Variants in SETBP1 observed in about 807,000 individuals in gnomAD.
SETBP1 encodes SET binding protein 1.
In SETBP1, 9 loss-of-function variants were observed where a neutral mutation model predicts 101.0. The ratio of observed to expected loss-of-function variants is 0.09; its 90% CI spans 0.05 to 0.16. SETBP1 has a LOEUF of 0.16. Among genes scored for constraint, SETBP1 ranks in the 10% least tolerant of loss-of-function variants. The pLI, the probability that SETBP1 is intolerant of heterozygous loss-of-function variation, is 1.00. For missense variants in SETBP1, 1,858 were observed against 2,033.8 expected, an observed-to-expected ratio of 0.91 and a Z score of 1.66; for synonymous variants, 818 against 788.5, an observed-to-expected ratio of 1.04 and a Z score of -0.63.
intron 3 of SETBP1, among the ~76,000 whole-genome samples, chr18:44,936,071 T>C (rs1166285554): frequency 6.6e-6 from 1 of 152,204 alleles, no homozygotes; most frequent in Non-Finnish European, 1.5e-5. Flanking sequence ...GTAATTCTTC[T>C]CCATCAGGAT....
Position 44,999,696 on chromosome 18 carries a change from A to G in SETBP1, c.4001-38789A>G, listed in dbSNP as rs1003929436. On this transcript the variant is annotated intron_variant, in intron 4 of 5. Coordinates refer to ENST00000649279, the MANE Select transcript of SETBP1 (RefSeq NM_015559.3). ...GATATCATGTTGTCTGCATTGCTAAAGTCAGCTAAACCTGGTGAATCCATT... is the reference window on the plus strand; with the variant it reads ...GATATCATGTTGTCTGCATTGCTAAGGTCAGCTAAACCTGGTGAATCCATT... Among the ~76,000 whole-genome samples, 5 of 152,236 alleles carry G rather than the reference A, an allele frequency of 3.3e-5. No individual in the cohort carries two copies. The East Asian group carries it at 9.6e-4, about 29-fold the overall frequency.
intron 2 of SETBP1, among the ~76,000 whole-genome samples, chr18:44,813,811 T>G (rs2071913912): frequency 6.6e-6 from 1 of 152,186 alleles, no homozygotes; most frequent in Non-Finnish European, 1.5e-5. Flanking sequence ...TTCCTCGGAA[T>G]GCTCACACAC....
chr18:45,008,955 A>G (rs1317228453), intron 4 of SETBP1, among the ~76,000 whole-genome samples: 1 of 152,172 alleles, frequency 6.6e-6, no homozygotes, highest in Non-Finnish European at 1.5e-5. Flanking sequence ...TTGGCTGTGG[A>G]GCAGGACATG....
At chr18:44,690,554 A>G (rs769577982) in intron 1 of SETBP1, among the ~76,000 whole-genome samples, 40 of 152,242 alleles carry the variant, frequency 2.6e-4, no homozygotes, top group Non-Finnish European at 5.3e-4. Flanking sequence ...TCCTCAATTT[A>G]TAAATGGTGT....
At chr18:44,724,295 A>G (rs2069662086) in intron 2 of SETBP1, among the ~76,000 whole-genome samples, 1 of 152,040 alleles carries the variant, frequency 6.6e-6, no homozygotes. Context: ...GTCAAAGAGG[A>G]GCTCTGCATC....
chr18:44,858,785 A>G (rs988618926), intron 2 of SETBP1, among the ~76,000 whole-genome samples: 1 of 152,182 alleles, frequency 6.6e-6, no homozygotes, highest in Non-Finnish European at 1.5e-5. Context: ...AAACAATAGC[A>G]TGTTTCATAC....
Position 45,068,362 on chromosome 18 carries a change from T to C in SETBP1, c.*4664T>C, listed in dbSNP as rs1183953821. The C allele has an allele frequency of 6.6e-6, 1 of 152,174 alleles. No individual in the cohort carries two copies. Among genetic ancestry groups the C allele is most frequent in the Non-Finnish European group, 1.5e-5 (1 of 68,016 alleles). 9.4% of individuals were successfully genotyped at this position (152,174 alleles called of 1,614,324 possible). ...CTCCATGGTCTTAGATGTTGGGTTT[T>C]AAACATTTTTTTCTAAAAGAAAGCT... On this transcript the variant is annotated 3_prime_UTR_variant, in exon 6 of 6. Transcript: ENST00000649279.
intron 2 of SETBP1, among the ~76,000 whole-genome samples, chr18:44,850,044 C>T (rs1568179593): frequency 6.6e-6 from 1 of 152,080 alleles, no homozygotes; most frequent in Non-Finnish European, 1.5e-5. Flanking sequence ...CTGAATCTTC[C>T]CCCTTGGCTC....
chr18:44,847,452 A>G (rs1345537779), intron 2 of SETBP1, among the ~76,000 whole-genome samples: 1 of 152,256 alleles, frequency 6.6e-6, no homozygotes, highest in Non-Finnish European at 1.5e-5. Flanking sequence ...AACCCTCAGA[A>G]GAACATGGGG....
intron 2 of SETBP1, among the ~76,000 whole-genome samples, chr18:44,726,518 C>G (rs2069709990): frequency 6.6e-6 from 1 of 152,084 alleles, no homozygotes; most frequent in African/African-American, 2.4e-5. Flanking sequence ...CAAATGACAT[C>G]TAGAGAGTAT....
chr18:44,764,523 AGTGCAGT>A (rs2070726894), intron 2 of SETBP1, among the ~76,000 whole-genome samples: 1 of 151,792 alleles, frequency 6.6e-6, no homozygotes, highest in Non-Finnish European at 1.5e-5. Context: ...CCCAGGCTGG[AGTGCAGT>A]GGTGCGATCT....
chr18:45,008,644 C>T (rs899679668), intron 4 of SETBP1, among the ~76,000 whole-genome samples: 7 of 152,298 alleles, frequency 4.6e-5, no homozygotes, highest in African/African-American at 1.4e-4. Flanking sequence ...GCCTCAATGT[C>T]CTCTTCAGAG....
rs533595766 is a variant in SETBP1, at chr18:44,816,723, C to A, written c.487-52507C>A. 3.6e-4 allele frequency among the ~76,000 whole-genome samples: 55 copies of A among 152,270 alleles called. 1 individual carries two copies. The South Asian group carries it at 9.7e-3, about 27-fold the overall frequency. On this transcript the variant is annotated intron_variant, in intron 2 of 5. Transcript: ENST00000649279. ...CGAAATAGAACACCGCAGTTCAACACCCCCACATCATACCCTCCCCTAAAT... is the reference window on the plus strand; with the variant it reads ...CGAAATAGAACACCGCAGTTCAACAACCCCACATCATACCCTCCCCTAAAT...
chr18:44,851,501 G>C (rs1237720647), intron 2 of SETBP1, among the ~76,000 whole-genome samples: 2 of 152,148 alleles, frequency 1.3e-5, no homozygotes, highest in Non-Finnish European at 2.9e-5. Flanking sequence ...GGCCACCTTT[G>C]CATCTTTATT....
chr18:44,919,736 T>TTA (rs1263799096), intron 3 of SETBP1, among the ~76,000 whole-genome samples: 2 of 151,100 alleles, frequency 1.3e-5, no homozygotes, highest in African/African-American at 4.9e-5. Flanking sequence ...ATTTATTATA[T>TTA]TATATATATG....
intron 2 of SETBP1, among the ~76,000 whole-genome samples, chr18:44,809,420 AAGAGT>A (rs1310536836): frequency 2.6e-5 from 4 of 152,232 alleles, no homozygotes; most frequent in Non-Finnish European, 4.4e-5. Flanking sequence ...TGTCTCAGAG[AAGAGT>A]AATGTGTACA....
At chr18:44,680,702 G>A (rs1444563172), upstream of SETBP1, among the ~76,000 whole-genome samples, 1 of 152,058 alleles carries the variant, frequency 6.6e-6, no homozygotes, top group Non-Finnish European at 1.5e-5. Flanking sequence ...TTGGGCTGGA[G>A]GGCTGGGAGC....
In SETBP1 at chr18:44,730,002, C is replaced by T. The variant is rs57653002; in HGVS notation, c.486+28170C>T. Among the ~76,000 whole-genome samples the T allele has an allele frequency of 2.2e-3, 342 of 152,236 alleles. 2 individuals carry two copies. Among genetic ancestry groups the T allele is most frequent in the African/African-American group, 7.9e-3 (329 of 41,536 alleles). On this transcript the variant is annotated intron_variant, in intron 2 of 5. Coordinates refer to ENST00000649279, the MANE Select transcript of SETBP1 (RefSeq NM_015559.3). ...CATGTAGACTAATCTTTGCAGAAGC[C>T]TGAGTGTGACGTGAGGTCTAGCTAT...
intron 4 of SETBP1, among the ~76,000 whole-genome samples, chr18:45,006,126 G>A (rs1347817218): frequency 6.6e-6 from 1 of 151,270 alleles, no homozygotes; most frequent in Non-Finnish European, 1.5e-5. Flanking sequence ...GCTAAGTTTT[G>A]TATTTTTAGT....
Sources: allele counts gnomAD v4.1 joint callset (sites outside exome capture counted in the v4.1 genomes callset), GRCh38; gene constraint gnomAD v4.1.1; transcripts MANE v1.5; gene names NCBI Gene and HGNC (gene_info 2026-07-23, HGNC 2026-07-21).